The following SOX6 variants were observed in gnomAD, a reference collection of about 807,000 sequenced individuals.
The protein encoded by SOX6 is SRY-box transcription factor 6.
SOX6 carries 11 observed loss-of-function variants against 97.8 expected under a neutral mutation model. That is an observed-to-expected ratio of 0.11 (90% confidence interval 0.07 to 0.19). SOX6 has a LOEUF of 0.19. Ranked by LOEUF, SOX6 falls within the 10% of genes least tolerant of loss-of-function variation. SOX6 has a pLI of 1.00. For missense variants in SOX6, 810 were observed against 1,039.5 expected (o/e 0.78, Z 3.04); for synonymous variants, 360 against 371.4 (o/e 0.97, Z 0.35).
chr11:15,975,016 C>T (rs1470742846), intron 15 of SOX6, among the ~76,000 whole-genome samples: 1 of 152,166 alleles, frequency 6.6e-6, no homozygotes, highest in African/African-American at 2.4e-5. Flanking sequence ...TATAGATATT[C>T]AATCTACAGA....
chr11:16,265,278 G>C (rs1854046260), intron 3 of SOX6, among the ~76,000 whole-genome samples: 1 of 151,832 alleles, frequency 6.6e-6, no homozygotes, highest in South Asian at 2.1e-4. Flanking sequence ...ATAAAGGCCT[G>C]GGAATAGTCC....
intron 13 of SOX6, among the ~76,000 whole-genome samples, chr11:16,001,392 A>T (rs1267704082): frequency 1.1e-4 from 17 of 152,104 alleles, no homozygotes; most frequent in Non-Finnish European, 1.0e-4. Flanking sequence ...CACCCACTTT[A>T]TGGATGAGGA....
At chr11:16,361,223 T>C (rs1282987924), upstream of SOX6, among the ~76,000 whole-genome samples, 3 of 152,138 alleles carry the variant, frequency 2.0e-5, no homozygotes, top group South Asian at 2.1e-4. Context: ...AGAGTCAAGA[T>C]TGAAGCCCAT....
intron 1 of SOX6, among the ~76,000 whole-genome samples, chr11:16,351,940 T>C (rs1856958116): frequency 6.6e-6 from 1 of 152,088 alleles, no homozygotes; most frequent in Non-Finnish European, 1.5e-5. Context: ...ATTCCCACAA[T>C]ACCTAGAACA....
intron 4 of SOX6, among the ~76,000 whole-genome samples, chr11:16,584,868 G>A (rs1554976178): frequency 6.6e-6 from 1 of 152,190 alleles, no homozygotes; most frequent in Non-Finnish European, 1.5e-5. Flanking sequence ...GCCTGCCCTG[G>A]GAAATGCCTC....
At chr11:16,269,966 G>A (rs1353058684) in intron 3 of SOX6, 1 of 151,178 alleles carries the variant, frequency 6.6e-6, no homozygotes. Flanking sequence ...GTTGAATATA[G>A]TGGTGACAGT....
At chr11:16,538,382 T>C (rs543849526) in intron 4 of SOX6, among the ~76,000 whole-genome samples, 195 of 152,314 alleles carry the variant, frequency 1.3e-3, no homozygotes, top group Non-Finnish European at 2.3e-3. Flanking sequence ...TTCCAAGTTG[T>C]AAAGACCATC....
chr11:16,691,077 T>C (rs1317611144), intron 3 of SOX6, among the ~76,000 whole-genome samples: 2 of 152,212 alleles, frequency 1.3e-5, no homozygotes, highest in East Asian at 3.9e-4. Context: ...GTTTCTTTTT[T>C]ACTTTAACTG....
At chr11:16,160,622 A>G (rs1173522898) in intron 6 of SOX6, among the ~76,000 whole-genome samples, 1 of 152,212 alleles carries the variant, frequency 6.6e-6, no homozygotes, top group Non-Finnish European at 1.5e-5. Context: ...GTAGTCTATA[A>G]GCCTGTCAAA....
intron 1 of SOX6, among the ~76,000 whole-genome samples, chr11:16,466,821 C>T (rs1860043758): frequency 1.4e-5 from 2 of 143,434 alleles, no homozygotes; most frequent in Admixed American, 7.0e-5. Flanking sequence ...GTCCCAGCTA[C>T]TTGGGAGGCT....
chr11:16,049,851 G>C lies in SOX6; in HGVS notation c.1339C>G (p.Leu447Val). 1 of 1,613,800 alleles carries C rather than the reference G, an allele frequency of 6.2e-7. No individual in the cohort carries two copies. The highest frequency in any genetic ancestry group is 8.5e-7 in the Non-Finnish European group (1 of 1,179,808). Residue 447 changes from leucine (L) to valine (V), a missense_variant, in exon 11 of 16, where the codon CTC (leucine) becomes GTC (valine). Physicochemically the swap from Leu to Val is conservative, Grantham distance 32 (BLOSUM62 1). This residue lies in a region of SOX6 where 244 missense variants were observed against 261.0 expected (regional missense o/e 0.93). Transcript: ENST00000683767. Reference protein sequence around the residue: ...VKSPTSPTQNLFPASKTSPVN... With the variant: ...VKSPTSPTQNVFPASKTSPVN... Reference sequence around the variant, plus strand: ...GGGCTGGTTTTGCTGGCTGGGAAGAGGTTCTGGGTGGGAGACGTTGGGGAC... The same window carrying C: ...GGGCTGGTTTTGCTGGCTGGGAAGACGTTCTGGGTGGGAGACGTTGGGGAC...
intron 7 of SOX6, among the ~76,000 whole-genome samples, chr11:16,103,802 C>T (rs1849008840): frequency 6.6e-6 from 1 of 151,136 alleles, no homozygotes; most frequent in African/African-American, 2.4e-5. Context: ...TATTCTCACT[C>T]ACATGTGAGA....
chr11:16,479,769 A>G (rs898771721), upstream of SOX6, among the ~76,000 whole-genome samples: 5 of 152,194 alleles, frequency 3.3e-5, no homozygotes, highest in Non-Finnish European at 2.9e-5. Context: ...ATGGGATTAT[A>G]AATGTATGAC....
chr11:16,000,066 TA>T (rs1456031939), intron 13 of SOX6, among the ~76,000 whole-genome samples: 2 of 152,202 alleles, frequency 1.3e-5, no homozygotes, highest in African/African-American at 4.8e-5. Flanking sequence ...TGTGTTGAAG[TA>T]ATGGCTGATA....
At chr11:16,382,813 G>A in intron 1 of SOX6, among the ~76,000 whole-genome samples, 1 of 151,850 alleles carries the variant, frequency 6.6e-6, no homozygotes, top group African/African-American at 2.4e-5. Flanking sequence ...CTCCAGGGTA[G>A]TTGTACTAGT....
intron 1 of SOX6, among the ~76,000 whole-genome samples, chr11:16,427,130 T>C (rs1254591543): frequency 2.0e-5 from 3 of 151,908 alleles, no homozygotes; most frequent in African/African-American, 7.3e-5. Flanking sequence ...AAATGGGATC[T>C]AATTAAACTA....
chr11:16,233,351 C>G (rs1657790227), intron 4 of SOX6, among the ~76,000 whole-genome samples: 1 of 152,158 alleles, frequency 6.6e-6, no homozygotes, highest in African/African-American at 2.4e-5. Context: ...ATAAATGAAT[C>G]AGCAAGAGTT....
chr11:16,145,803 A>T (rs866432670), intron 6 of SOX6, among the ~76,000 whole-genome samples: 2 of 152,338 alleles, frequency 1.3e-5, no homozygotes, highest in South Asian at 4.1e-4. Flanking sequence ...AGGGATGTGA[A>T]GGACCTCTTC....
intron 3 of SOX6, among the ~76,000 whole-genome samples, chr11:16,249,699 C>T (rs1276119212): frequency 6.6e-6 from 1 of 152,150 alleles, no homozygotes; most frequent in African/African-American, 2.4e-5. Context: ...TTATCAGACC[C>T]AGTACCAGGA....
Sources: gnomAD v4.1 joint callset for allele counts (sites outside exome capture counted in the v4.1 genomes callset) on GRCh38, gnomAD v4.1.1 for gene constraint, gnomAD v4.1.1 regional missense constraint, MANE v1.5 for transcripts, NCBI Gene and HGNC (gene_info 2026-07-23, HGNC 2026-07-21) for gene names.